Variants in LRTM2 observed in about 807,000 individuals in gnomAD.
The protein encoded by LRTM2 is leucine rich repeat transmembrane protein 2.
Under a neutral mutation model 28.1 loss-of-function variants are expected in LRTM2, and 18 were observed. The ratio of observed to expected loss-of-function variants is 0.64; its 90% CI spans 0.44 to 0.95. The LOEUF is 0.95. Among genes scored for constraint, LRTM2 ranks in the 40% least tolerant of loss-of-function variants. The probability of loss-of-function intolerance (pLI) is 0.00; values close to 1 mark genes in which losing one functional copy is unlikely to be tolerated. For missense variants in LRTM2, 436 were observed against 497.2 expected (o/e 0.88, Z 1.17); for synonymous variants, 250 against 218.7 (o/e 1.14, Z -1.26).
intron 3 of LRTM2, among the ~76,000 whole-genome samples, chr12:1,830,197 C>A (rs1864559077): frequency 6.6e-6 from 1 of 152,234 alleles, no homozygotes; most frequent in East Asian, 1.9e-4. Flanking sequence ...TCCTGGGCCC[C>A]ATGACTTGTC....
intron 2 of LRTM2, 103 bp from the exon 3 acceptor site, chr12:1,827,973 A>C: frequency 2.3e-6 from 1 of 441,362 alleles, no homozygotes; most frequent in Non-Finnish European, 3.9e-6. Context: ...GGAACAGGAG[A>C]GGGCATGAGG....
At position 1,827,397 on chromosome 12, in the gene LRTM2, C is replaced by G. The variant is rs116885675; in HGVS notation, c.-258-13C>G. 6.5e-6 allele frequency: 1 copy of G among 152,870 alleles called. No homozygotes were observed. The highest frequency in any genetic ancestry group is 2.1e-4 in the South Asian group (1 of 4,850). The allele number at this position is 152,870 out of a possible 1,614,324, so 9.5% of individuals were successfully genotyped here. ...TTCTCACCTCTCCTTGTGTCCCTGT[C>G]TCTTCCTAGCAGCTGCCGCAGCATG... On this transcript the variant is annotated splice_polypyrimidine_tract_variant and intron_variant, in intron 1 of 4. Transcript: ENST00000299194.
At chr12:1,821,476 C>G (rs191978682) in intron 1 of LRTM2, among the ~76,000 whole-genome samples, 3 of 152,186 alleles carry the variant, frequency 2.0e-5, no homozygotes, top group Non-Finnish European at 2.9e-5. Flanking sequence ...AGAGAAGTAT[C>G]GCAGCCCTTC....
rs1422952119 is a variant in LRTM2, at chr12:1,828,347, C to T, written c.67+132C>T. ...GCCTACGCCAGATCTTCCTGGGGTA[C>T]CCGAGGCTATGTTCTGGGAAGCCAG... On this transcript the variant is annotated intron_variant, in intron 3 of 4. Transcript: ENST00000299194. This position sits in a 1 kb window ranked among gnomAD's most constrained non-coding sequence, Gnocchi z 4.2. 2 of 734,350 alleles carry T rather than the reference C, an allele frequency of 2.7e-6. No individual in the cohort carries two copies. Among genetic ancestry groups the T allele is most frequent in the Non-Finnish European group, 4.2e-6 (2 of 481,580 alleles). 45.5% of individuals were successfully genotyped at this position (734,350 alleles called of 1,614,324 possible). A position where few individuals can be genotyped will look rare whatever the true frequency, so the allele number is the denominator to read the frequency against.
Position 1,834,859 on chromosome 12 carries a change from A to G in LRTM2, c.*138A>G. 1 of 1,420,016 alleles carries G rather than the reference A, an allele frequency of 7.0e-7. No homozygotes were observed. 88.0% of individuals were successfully genotyped at this position (1,420,016 alleles called of 1,614,324 possible). On this transcript the variant is annotated 3_prime_UTR_variant, in exon 5 of 5. Coordinates refer to ENST00000299194, the MANE Select transcript of LRTM2 (RefSeq NM_001039029.3). This position sits in a 1 kb window ranked among gnomAD's most constrained non-coding sequence, Gnocchi z 7.6. Reference sequence around the variant, plus strand: ...CTCCCCGCCCTCCAGCAGACAAGCCACACCGGGTTCTCTCCCTGCACTTTC... The same window carrying G: ...CTCCCCGCCCTCCAGCAGACAAGCCGCACCGGGTTCTCTCCCTGCACTTTC...
chr12:1,830,901 T>C, intron 3 of LRTM2, 34 bp from the exon 4 acceptor site: 3 of 1,547,406 alleles, frequency 1.9e-6, no homozygotes, highest in Non-Finnish European at 2.6e-6. Context: ...CCCGTCCTAT[T>C]GCTTTCTTTC....
chr12:1,834,698 A>C lies in LRTM2; in HGVS notation c.1090A>C (p.Lys364Gln), dbSNP rs761944010. ...CCCCGAGGGCGAGCACGAGGACCAG[A>C]AGCAGATCTCTTCTGTGGCCTGAGC... The part of the protein sequence containing the change: ...GDPEGEHEDQ[K>Q]QISSVA The change falls in exon 5 of 5, where the codon AAG (lysine) becomes CAG (glutamine). Residue 364 changes from lysine to glutamine, a missense_variant. Physicochemically the swap from Lys to Gln is moderately conservative, Grantham distance 53. Transcript: ENST00000299194. The surrounding 1 kb of genome is among the most constrained non-coding windows in gnomAD (Gnocchi z 7.6). 6.2e-7 allele frequency: 1 copy of C among 1,601,008 alleles called. No homozygotes were observed.
chr12:1,827,892 C>T (rs186164816), intron 2 of LRTM2, 184 bp from the exon 3 acceptor site: 436 of 398,560 alleles, frequency 1.1e-3, no homozygotes, highest in Non-Finnish European at 1.5e-3. Flanking sequence ...AAGCCTGCCC[C>T]GCCCCCATCC....
At chr12:1,824,144 C>T (rs1356202378) in intron 1 of LRTM2, among the ~76,000 whole-genome samples, 4 of 152,214 alleles carry the variant, frequency 2.6e-5, no homozygotes, top group Non-Finnish European at 1.5e-5. Flanking sequence ...CAGTTAGCTT[C>T]TCAGTGGGTC....
chr12:1,833,335 A>G lies in LRTM2; in HGVS notation c.659-932A>G, dbSNP rs1864713516. Among the ~76,000 whole-genome samples the G allele has an allele frequency of 6.6e-6, 1 of 152,132 alleles. No individual in the cohort carries two copies. Among genetic ancestry groups the G allele is most frequent in the South Asian group, 2.1e-4 (1 of 4,830 alleles). ...TGCATCCAGATTTCACTGGAAGCTG[A>G]AAGAGGGCCAGAATCCAACTTTCAC... On this transcript the variant is annotated intron_variant, in intron 4 of 4. Transcript: ENST00000299194. The surrounding 1 kb of genome is among the most constrained non-coding windows in gnomAD (Gnocchi z 4.2).
intron 1 of LRTM2, chr12:1,823,219 T>C (rs1232552697): frequency 6.6e-6 from 1 of 152,538 alleles, no homozygotes; most frequent in East Asian, 1.9e-4. Flanking sequence ...GGATGCTTGA[T>C]GTGGAGGGAT....
In LRTM2 at chr12:1,833,657, C is replaced by G. The variant is rs1447669643; in HGVS notation, c.659-610C>G. Among the ~76,000 whole-genome samples the G allele has an allele frequency of 6.6e-6, 1 of 152,148 alleles. No homozygotes were observed. Among genetic ancestry groups the G allele is most frequent in the Non-Finnish European group, 1.5e-5 (1 of 68,028 alleles). On this transcript the variant is annotated intron_variant, in intron 4 of 4. Transcript: ENST00000299194. The surrounding 1 kb of genome is among the most constrained non-coding windows in gnomAD (Gnocchi z 4.2). Reference sequence around the variant, plus strand: ...AAGGAGGAGAAGGAGAACATTCCTGCCCAACTCTTTTCCTCTTTACGCCAG... The same window carrying G: ...AAGGAGGAGAAGGAGAACATTCCTGGCCAACTCTTTTCCTCTTTACGCCAG...
intron 3 of LRTM2, 132 bp from the exon 4 acceptor site, chr12:1,830,803 A>G (rs1864587512): frequency 1.4e-6 from 1 of 698,828 alleles, no homozygotes; most frequent in Admixed American, 3.0e-5. Context: ...ATAAACGTTT[A>G]TGCATTGATT....
Position 1,834,777 on chromosome 12 carries a change from C to A in LRTM2, c.*56C>A. ...GGCGGGGAGAGCACACGGCATTGCTCAGCCACAGCTCCCACCTTGACCCGG... is the reference window on the plus strand; with the variant it reads ...GGCGGGGAGAGCACACGGCATTGCTAAGCCACAGCTCCCACCTTGACCCGG... On this transcript the variant is annotated 3_prime_UTR_variant, in exon 5 of 5. Coordinates refer to ENST00000299194, the MANE Select transcript of LRTM2 (RefSeq NM_001039029.3). The surrounding 1 kb of genome is among the most constrained non-coding windows in gnomAD (Gnocchi z 7.6). The A allele has an allele frequency of 6.6e-7, 1 of 1,522,210 alleles. No homozygotes were observed. Among genetic ancestry groups the A allele is most frequent in the South Asian group, 1.3e-5 (1 of 79,330 alleles). 94.3% of individuals were successfully genotyped at this position (1,522,210 alleles called of 1,614,324 possible).
chr12:1,834,408 C>A lies in LRTM2; in HGVS notation c.800C>A (p.Pro267Gln), dbSNP rs1864761123. ...TCAGCTGGGCTGGATATTCCTGGGC[C>A]ACCCTGCACCAAGGCCAGTCCAGAG... ...NSSAGLDIPG[P>Q]PCTKASPEPA... is the part of the protein sequence containing the mutation. Residue 267 changes from proline to glutamine, a missense_variant, in exon 5 of 5, where the codon CCA becomes CAA. Transcript: ENST00000299194. This position sits in a 1 kb window ranked among gnomAD's most constrained non-coding sequence, Gnocchi z 7.6. 2 of 1,613,026 alleles carry A rather than the reference C, an allele frequency of 1.2e-6. No individual in the cohort carries two copies. Among genetic ancestry groups the A allele is most frequent in the South Asian group, 2.2e-5 (2 of 91,076 alleles).
chr12:1,828,000 C>CG (rs1397622499), intron 2 of LRTM2, 76 bp from the exon 3 acceptor site: 1 of 563,064 alleles, frequency 1.8e-6, no homozygotes, highest in Non-Finnish European at 3.0e-6. Flanking sequence ...AAGAGACACC[C>CG]GGGCCCTCTC....
Position 1,835,964 on chromosome 12 carries a change from G to C in LRTM2, c.*1243G>C, listed in dbSNP as rs769445798. On this transcript the variant is annotated 3_prime_UTR_variant, in exon 5 of 5. Coordinates refer to ENST00000299194, the MANE Select transcript of LRTM2 (RefSeq NM_001039029.3). ...TTGGTGGCACCCTCTGGGGAAAGCAGGTGGCAGGCAGAGAACACGGTGGCT... is the reference window on the plus strand; with the variant it reads ...TTGGTGGCACCCTCTGGGGAAAGCACGTGGCAGGCAGAGAACACGGTGGCT... 1 of 152,348 alleles carries C rather than the reference G, an allele frequency of 6.6e-6. No individual in the cohort carries two copies. The highest frequency in any genetic ancestry group is 2.4e-5 in the African/African-American group (1 of 41,464). The allele number at this position is 152,348 out of a possible 1,614,324, so 9.4% of individuals were successfully genotyped here. A position where few individuals can be genotyped will look rare whatever the true frequency, so the allele number is the denominator to read the frequency against.
intron 2 of LRTM2, 57 bp downstream of exon 2, chr12:1,827,651 C>T (rs1343917769): frequency 6.5e-6 from 1 of 153,366 alleles, no homozygotes; most frequent in Non-Finnish European, 1.5e-5. Flanking sequence ...CCTCCAGGGA[C>T]AGGTGACAGT....
rs11061993 is a variant in LRTM2 at position 1,828,978 on chromosome 12, C to T, written c.67+763C>T. Among the ~76,000 whole-genome samples, 11,870 of 152,248 alleles carry T rather than the reference C, an allele frequency of 0.078. 497 individuals carry two copies. The highest frequency in any genetic ancestry group is 0.13 in the Middle Eastern group (37 of 294). ...GAAACGGTCCCGCGGGACGGCATTC[C>T]GCCTGACTTCCCGCTCTGATCCAGC... On this transcript the variant is annotated intron_variant, in intron 3 of 4. Coordinates refer to ENST00000299194, the MANE Select transcript of LRTM2 (RefSeq NM_001039029.3). The surrounding 1 kb of genome is among the most constrained non-coding windows in gnomAD (Gnocchi z 4.2).
Sources: gnomAD v4.1 joint callset for allele counts (sites outside exome capture counted in the v4.1 genomes callset) on GRCh38, gnomAD v4.1.1 for gene constraint, Gnocchi (gnomAD v3.1) non-coding constraint, MANE v1.5 for transcripts, NCBI Gene and HGNC (gene_info 2026-07-23, HGNC 2026-07-21) for gene names.